The following SLC24A3 variants were observed in gnomAD, a reference collection of about 807,000 sequenced individuals.
SLC24A3 encodes solute carrier family 24 member 3, also known as sodium/potassium/calcium exchanger 3.
A neutral mutation model predicts 75.8 loss-of-function variants in SLC24A3; 28 were observed. The observed-to-expected ratio is 0.37, with a 90% CI of 0.27 to 0.51. The LOEUF (loss-of-function observed/expected upper bound fraction) is 0.51. Among genes scored for constraint, SLC24A3 ranks in the 20% least tolerant of loss-of-function variants. The pLI is 0.94. For missense variants in SLC24A3, 663 were observed against 847.8 expected, an observed-to-expected ratio of 0.78 and a Z score of 2.71; for synonymous variants, 372 against 334.1, an observed-to-expected ratio of 1.11 and a Z score of -1.24.
chr20:19,283,944 G>A (rs1983735995), intron 2 of SLC24A3, among the ~76,000 whole-genome samples: 1 of 152,162 alleles, frequency 6.6e-6, no homozygotes, highest in African/African-American at 2.4e-5. Flanking sequence ...CTGTCAGCAG[G>A]CCACACCGCA....
At chr20:19,401,240 A>G (rs1298617480) in intron 2 of SLC24A3, among the ~76,000 whole-genome samples, 1 of 152,218 alleles carries the variant, frequency 6.6e-6, no homozygotes, top group Non-Finnish European at 1.5e-5. Context: ...GCACGAGTCC[A>G]CAGAAGTGGG....
At chr20:19,454,198 T>C (rs1437271145) in intron 2 of SLC24A3, among the ~76,000 whole-genome samples, 1 of 152,158 alleles carries the variant, frequency 6.6e-6, no homozygotes, top group Non-Finnish European at 1.5e-5. Flanking sequence ...TGGGCTTGCC[T>C]GCTTCCTGCC....
chr20:19,523,086 A>G (rs551579118), intron 3 of SLC24A3, among the ~76,000 whole-genome samples: 6 of 152,362 alleles, frequency 3.9e-5, no homozygotes, highest in Non-Finnish European at 8.8e-5. Flanking sequence ...CAAATTCAGT[A>G]TAAAGTTGCA....
chr20:19,303,736 A>C (rs1264766633), intron 2 of SLC24A3, among the ~76,000 whole-genome samples: 1 of 152,188 alleles, frequency 6.6e-6, no homozygotes, highest in East Asian at 1.9e-4. Context: ...TTCTATGCAA[A>C]AGGAAGTCAC....
intron 3 of SLC24A3, among the ~76,000 whole-genome samples, chr20:19,533,795 A>T (rs1212620123): frequency 6.6e-6 from 1 of 152,240 alleles, no homozygotes; most frequent in Non-Finnish European, 1.5e-5. Flanking sequence ...TGACCCAACC[A>T]TATCTATATC....
At chr20:19,713,564 C>T (rs2033012168) in intron 15 of SLC24A3, among the ~76,000 whole-genome samples, 1 of 152,096 alleles carries the variant, frequency 6.6e-6, no homozygotes, top group Non-Finnish European at 1.5e-5. Context: ...GTTTTAAGCA[C>T]GTGGTCTGTG....
At chr20:19,618,586 T>C (rs949377546) in intron 6 of SLC24A3, among the ~76,000 whole-genome samples, 1 of 152,166 alleles carries the variant, frequency 6.6e-6, no homozygotes, top group African/African-American at 2.4e-5. Flanking sequence ...CATATGAATG[T>C]TGGGGGAGAG....
chr20:19,248,968 GT>G (rs754443694), intron 1 of SLC24A3, among the ~76,000 whole-genome samples: 2 of 151,084 alleles, frequency 1.3e-5, no homozygotes, highest in Non-Finnish European at 2.9e-5. Context: ...CAGAATAATG[GT>G]TTCCAGAGGC....
chr20:19,376,633 T>G (rs1986088367), intron 2 of SLC24A3, among the ~76,000 whole-genome samples: 1 of 152,152 alleles, frequency 6.6e-6, no homozygotes, highest in South Asian at 2.1e-4. Flanking sequence ...TGCCACTTTT[T>G]TTTTTTTTTG....
At chr20:19,599,584 C>T (rs1328997557) in intron 6 of SLC24A3, among the ~76,000 whole-genome samples, 1 of 152,212 alleles carries the variant, frequency 6.6e-6, no homozygotes, top group Non-Finnish European at 1.5e-5. Context: ...CCCAGGTGCT[C>T]ATCTCTGAGT....
chr20:19,684,325 T>C lies in SLC24A3; in HGVS notation c.1051T>C (p.Leu351=). The C allele has an allele frequency of 6.2e-7, 1 of 1,613,678 alleles. No homozygotes were observed. The highest frequency in any genetic ancestry group is 8.5e-7 in the Non-Finnish European group (1 of 1,179,828). ...CCGGCTCTCCATGGCCAGTCGCATG[T>C]TGATCAATGAGGTACCTGGGAAAGC... ...KTRLSMASRM[L]INERQRLINS... is the part of the protein sequence containing the mutation. The change falls in exon 11 of 17, where the codon TTG becomes CTG. Residue 351 remains leucine, a synonymous_variant. Coordinates refer to ENST00000328041, the MANE Select transcript of SLC24A3 (RefSeq NM_020689.4).
intron 3 of SLC24A3, among the ~76,000 whole-genome samples, chr20:19,547,981 C>T (rs6112457): frequency 6.6e-6 from 1 of 152,170 alleles, no homozygotes; most frequent in Non-Finnish European, 1.5e-5. Flanking sequence ...ATCAAAAATG[C>T]CCAGACAAGT....
At chr20:19,353,995 T>G (rs2122329012) in intron 2 of SLC24A3, among the ~76,000 whole-genome samples, 1 of 152,302 alleles carries the variant, frequency 6.6e-6, no homozygotes, top group African/African-American at 2.4e-5. Flanking sequence ...ACCAAAAAGA[T>G]GTTCACATGA....
intron 2 of SLC24A3, among the ~76,000 whole-genome samples, chr20:19,481,583 T>C (rs945866675): frequency 6.6e-6 from 1 of 151,950 alleles, no homozygotes; most frequent in African/African-American, 2.4e-5. Flanking sequence ...GTCCCACAAG[T>C]CTACGAAAGG....
chr20:19,321,508 A>G (rs1387982307), intron 2 of SLC24A3, among the ~76,000 whole-genome samples: 1 of 152,204 alleles, frequency 6.6e-6, no homozygotes, highest in African/African-American at 2.4e-5. Flanking sequence ...ATGCTACGTA[A>G]CTTCAATCTT....
intron 2 of SLC24A3, among the ~76,000 whole-genome samples, chr20:19,362,874 A>G (rs530385848): frequency 5.9e-5 from 9 of 152,340 alleles, no homozygotes; most frequent in Admixed American, 5.2e-4. Context: ...GGTGTCACAG[A>G]AAGTTTTGTT....
rs185749831 is a variant in SLC24A3, at chr20:19,347,274, A to G, written c.271+66187A>G. 9.2e-5 allele frequency among the ~76,000 whole-genome samples: 14 copies of G among 152,286 alleles called. No individual in the cohort carries two copies. In the East Asian group the frequency reaches 2.5e-3, roughly 27 times the overall value. ...AGAGGGTTTTTAAGGTGGCAAAACT[A>G]TTCTCTTATGATACTGTAATGATGG... On this transcript the variant is annotated intron_variant, in intron 2 of 16. Coordinates refer to ENST00000328041, the MANE Select transcript of SLC24A3 (RefSeq NM_020689.4).
At chr20:19,413,663 A>G (rs893958430) in intron 2 of SLC24A3, among the ~76,000 whole-genome samples, 3 of 152,130 alleles carry the variant, frequency 2.0e-5, no homozygotes, top group Non-Finnish European at 2.9e-5. Flanking sequence ...TTGATTTGCA[A>G]CTTCTTGTTC....
In SLC24A3 at chr20:19,684,236, A is replaced by G; in HGVS notation, c.962A>G (p.His321Arg). Residue 321 changes from histidine (H) to arginine (R), a missense_variant, in exon 11 of 17, where the codon CAC becomes CGC. His to Arg is a conservative substitution (Grantham distance 29). Around this residue, in one of 2 missense-constraint regions of SLC24A3, gnomAD observed 510 missense variants for 703.6 expected, o/e 0.72. Coordinates refer to ENST00000328041, the MANE Select transcript of SLC24A3 (RefSeq NM_020689.4). ...GACGAGCTGCTGTCAGCCTACCCAC[A>G]CCAGCTTTCCTTCTCTGAGGCTGGC... ...MVDELLSAYP[H>R]QLSFSEAGLR... 2 of 1,614,120 alleles carry G rather than the reference A, an allele frequency of 1.2e-6. No homozygotes were observed. The highest frequency in any genetic ancestry group is 1.7e-6 in the Non-Finnish European group (2 of 1,180,018).
Sources: allele counts gnomAD v4.1 joint callset (sites outside exome capture counted in the v4.1 genomes callset), GRCh38; gene constraint gnomAD v4.1.1; regional missense constraint gnomAD v4.1.1; transcripts MANE v1.5; gene names NCBI Gene and HGNC (gene_info 2026-07-23, HGNC 2026-07-21).